C3orf22: variants seen among roughly 807,000 people sequenced by gnomAD.
C3orf22 encodes the protein chromosome 3 open reading frame 22.
Under a neutral mutation model 10.8 loss-of-function variants are expected in C3orf22, and 7 were observed. That is an observed-to-expected ratio of 0.65 (90% confidence interval 0.37 to 1.22). C3orf22 has a LOEUF of 1.22. C3orf22 is among the 50% of genes most tolerant of loss of function. The pLI is 0.02. For missense variants in C3orf22, 173 were observed against 177.0 expected (o/e 0.98, Z 0.13); for synonymous variants, 79 against 78.9 (o/e 1.00, Z 0.00).
At chr3:126,556,644 C>CCA (rs35184055) in intron 1 of C3orf22, among the ~76,000 whole-genome samples, 6,455 of 150,102 alleles carry the variant, frequency 0.043, 205 homozygotes, top group African/African-American at 0.089. Context: ...ACTGCCGTTC[C>CCA]CACACACACA....
intron 5 of C3orf22, among the ~76,000 whole-genome samples, chr3:126,528,043 T>C (rs1184175469): frequency 2.0e-5 from 3 of 149,946 alleles, no homozygotes; most frequent in Non-Finnish European, 4.4e-5. Flanking sequence ...GTTTAACAGG[T>C]AGGAAAAGGA....
rs775655775 is a variant in C3orf22 at position 126,550,071 on chromosome 3, C to A, written c.223G>T (p.Ala75Ser). The A allele has an allele frequency of 6.2e-7, 1 of 1,613,780 alleles. No homozygotes were observed. Among genetic ancestry groups the A allele is most frequent in the Middle Eastern group, 1.7e-4 (1 of 6,052 alleles). ...CCAGACGGTGATGTAAAATCTGGAGCCCCGAGCCTAGAGAAGCCACACAGA... is the reference window on the plus strand; with the variant it reads ...CCAGACGGTGATGTAAAATCTGGAGACCCGAGCCTAGAGAAGCCACACAGA... ...TRSIPVRGLG[A>S]PDFTSPSGSC... The change falls in exon 4 of 4, where the codon GCT (alanine) becomes TCT (serine). Residue 75 changes from alanine to serine, a missense_variant. Physicochemically the swap from Ala to Ser is moderately conservative, Grantham distance 99. Transcript: ENST00000318225.
chr3:126,548,243 C>G (rs1212938639), downstream of C3orf22, among the ~76,000 whole-genome samples: 2 of 152,166 alleles, frequency 1.3e-5, no homozygotes, highest in African/African-American at 4.8e-5. Context: ...GATCCACCTG[C>G]CTTCAGCCTC....
At chr3:126,528,539 A>T (rs1936581484) in intron 5 of C3orf22, among the ~76,000 whole-genome samples, 1 of 152,116 alleles carries the variant, frequency 6.6e-6, no homozygotes. Flanking sequence ...AGGTGGGGCG[A>T]GGAGAAATAG....
intron 1 of C3orf22, among the ~76,000 whole-genome samples, chr3:126,554,425 G>A (rs1240597566): frequency 3.9e-5 from 6 of 152,072 alleles, no homozygotes; most frequent in Non-Finnish European, 8.8e-5. Context: ...CACCACGCCT[G>A]GCTAATTTTT....
intron 4 of C3orf22, among the ~76,000 whole-genome samples, chr3:126,539,292 G>A (rs1553814253): frequency 4.6e-5 from 7 of 151,990 alleles, no homozygotes; most frequent in Non-Finnish European, 8.8e-5. Context: ...TTTGTGAAAC[G>A]TTTTTTATTT....
chr3:126,543,707 TAA>T lies in C3orf22; in HGVS notation c.286+5828_286+5829del, dbSNP rs112355519. ...GTGTGCATAAGTGAGTATATGAGTG[TAA>T]GAGTGTGCATGTGTGCATGAGTGTG... On this transcript the variant is annotated intron_variant and NMD_transcript_variant, in intron 4 of 5. Transcript: ENST00000505070. 1.4e-3 allele frequency among the ~76,000 whole-genome samples: 217 copies of T among 151,404 alleles called. 1 individual carries two copies. The highest frequency in any genetic ancestry group is 0.014 in the Middle Eastern group (4 of 292).
At chr3:126,540,997 G>A (rs1576237235) in intron 4 of C3orf22, among the ~76,000 whole-genome samples, 1 of 152,342 alleles carries the variant, frequency 6.6e-6, no homozygotes, top group Admixed American at 6.5e-5. Context: ...AAGAACCCCG[G>A]GTGGGGCAGG....
At chr3:126,554,585 G>A (rs1417323990) in intron 1 of C3orf22, among the ~76,000 whole-genome samples, 4 of 152,190 alleles carry the variant, frequency 2.6e-5, no homozygotes, top group Non-Finnish European at 5.9e-5. Flanking sequence ...ACATTTTAAA[G>A]CACCCCAGGT....
chr3:126,535,421 G>C (rs1936763630), intron 4 of C3orf22, among the ~76,000 whole-genome samples: 2 of 147,720 alleles, frequency 1.4e-5, no homozygotes. Context: ...CCTCAACCGG[G>C]AGACAGACAG....
intron 4 of C3orf22, among the ~76,000 whole-genome samples, chr3:126,530,744 C>T (rs979613269): frequency 1.9e-4 from 29 of 152,252 alleles, no homozygotes; most frequent in East Asian, 5.8e-4. Flanking sequence ...ATGACGGTGT[C>T]GTTCCTGGGA....
At chr3:126,542,817 T>A (rs1364192721) in intron 4 of C3orf22, 1 of 451,212 alleles carries the variant, frequency 2.2e-6, no homozygotes, top group East Asian at 4.0e-5. Context: ...CTCCACTTGC[T>A]CCAGCTGACA....
At chr3:126,538,606 C>T (rs1366163857) in intron 4 of C3orf22, among the ~76,000 whole-genome samples, 1 of 152,240 alleles carries the variant, frequency 6.6e-6, no homozygotes, top group Non-Finnish European at 1.5e-5. Context: ...GGCCAACATT[C>T]CCTGCCACAA....
At chr3:126,536,131 C>G in intron 4 of C3orf22, 1 of 658,590 alleles carries the variant, frequency 1.5e-6, no homozygotes, top group South Asian at 1.9e-5. Flanking sequence ...CTCCACCAAG[C>G]CCCTAGGAGG....
At chr3:126,530,874 G>C (rs1936643046) in intron 4 of C3orf22, among the ~76,000 whole-genome samples, 1 of 152,248 alleles carries the variant, frequency 6.6e-6, no homozygotes, top group Admixed American at 6.5e-5. Context: ...GCATGCCCTG[G>C]CCACTGGAGT....
chr3:126,538,251 C>T (rs904230589), intron 4 of C3orf22, among the ~76,000 whole-genome samples: 6 of 152,266 alleles, frequency 3.9e-5, no homozygotes, highest in Non-Finnish European at 8.8e-5. Flanking sequence ...TGCCCACCAT[C>T]GTCCTCCGGA....
chr3:126,542,699 C>T (rs533127456), intron 4 of C3orf22: 972 of 1,326,396 alleles, frequency 7.3e-4, no homozygotes, highest in Non-Finnish European at 8.8e-4. Flanking sequence ...CTCACCTGGC[C>T]GCCGGGCCAG....
chr3:126,542,245 C>G (rs746870178), intron 4 of C3orf22: 1 of 1,533,418 alleles, frequency 6.5e-7, no homozygotes, highest in Non-Finnish European at 8.7e-7. Context: ...TCCTGGCCTA[C>G]CTGCTGGACC....
intron 4 of C3orf22, among the ~76,000 whole-genome samples, chr3:126,533,388 A>T (rs1200588719): frequency 6.6e-6 from 1 of 152,146 alleles, no homozygotes; most frequent in Non-Finnish European, 1.5e-5. Context: ...CAGTTTGGCA[A>T]AGTTTCCTTC....
Sources: allele counts gnomAD v4.1 joint callset (sites outside exome capture counted in the v4.1 genomes callset), GRCh38; gene constraint gnomAD v4.1.1; transcripts MANE v1.5; gene names NCBI Gene and HGNC (gene_info 2026-07-23, HGNC 2026-07-21).